REEP3: variants seen among roughly 807,000 people sequenced by gnomAD.
REEP3 encodes the protein receptor expression-enhancing protein 3.
Under a neutral mutation model 41.3 loss-of-function variants are expected in REEP3, and 20 were observed. The observed-to-expected ratio is 0.48, with a 90% CI of 0.34 to 0.70. The LOEUF is 0.70. REEP3 is among the 30% of genes least tolerant of loss of function. The pLI is 0.01. For synonymous variants in REEP3, 104 were observed against 101.8 expected (o/e 1.02, Z -0.13); for missense variants, 271 against 308.8 (o/e 0.88, Z 0.92).
chr10:63,581,398 TA>T lies in REEP3; in HGVS notation c.106-13373del, dbSNP rs200451593. ...ATGATAAAGTTTTTTTGAAAAACTA[TA>T]AAAAAATTAAAATGCATTGAAATGT... On this transcript the variant is annotated intron_variant, in intron 2 of 7. Coordinates refer to ENST00000373758, the MANE Select transcript of REEP3 (RefSeq NM_001001330.3). 3.1e-3 allele frequency among the ~76,000 whole-genome samples: 479 copies of T among 152,284 alleles called. 3 individuals are homozygous for T. The highest frequency in any genetic ancestry group is 0.011 in the African/African-American group (449 of 41,568).
At chr10:63,538,825 G>T (rs776713708) in intron 1 of REEP3, among the ~76,000 whole-genome samples, 81 of 152,204 alleles carry the variant, frequency 5.3e-4, no homozygotes, top group Non-Finnish European at 8.1e-4. Context: ...CAACATTGCT[G>T]TGGGGGTGAT....
At chr10:63,562,022 T>G (rs186742851) in intron 1 of REEP3, among the ~76,000 whole-genome samples, 2 of 152,282 alleles carry the variant, frequency 1.3e-5, no homozygotes. Flanking sequence ...GTCAGCGGTG[T>G]GGATGAACAC....
chr10:63,554,957 G>A (rs1955663848), intron 1 of REEP3, among the ~76,000 whole-genome samples: 1 of 152,162 alleles, frequency 6.6e-6, no homozygotes, highest in Non-Finnish European at 1.5e-5. Flanking sequence ...TGGGGAGAGA[G>A]TGAGGAGATG....
intron 2 of REEP3, among the ~76,000 whole-genome samples, chr10:63,570,217 A>G (rs1955840330): frequency 6.6e-6 from 1 of 152,218 alleles, no homozygotes; most frequent in South Asian, 2.1e-4. Context: ...CATTTTGGCT[A>G]AGATCAAGTG....
intron 1 of REEP3, among the ~76,000 whole-genome samples, chr10:63,559,048 G>A (rs1156436915): frequency 6.6e-6 from 1 of 151,970 alleles, no homozygotes; most frequent in Non-Finnish European, 1.5e-5. Flanking sequence ...TGAAATAAGG[G>A]GAATTTGGCT....
At position 63,521,574 on chromosome 10, in the gene REEP3, TG is replaced by T; in HGVS notation, c.31del (p.Val11CysfsTer17). 1 of 1,352,246 alleles carries T rather than the reference TG, an allele frequency of 7.4e-7. No individual in the cohort carries two copies. Among genetic ancestry groups the T allele is most frequent in the Non-Finnish European group, 9.7e-7 (1 of 1,033,144 alleles). The allele number at this position is 1,352,246 out of a possible 1,614,324, so 83.8% of individuals were successfully genotyped here. A position where few individuals can be genotyped will look rare whatever the true frequency, so the allele number is the denominator to read the frequency against. On this transcript the variant is annotated frameshift_variant and splice_region_variant, in exon 1 of 8. Coordinates refer to ENST00000373758, the MANE Select transcript of REEP3 (RefSeq NM_001001330.3). LOFTEE classifies it high-confidence loss of function. MVSWMISRA[V>X]VLVFGMLYPA... ...GTGTCCTGGATGATCTCCAGAGCCG[TG>T]GTGTAAGTGCCTCTCACTGCGCCCT...
intron 1 of REEP3, among the ~76,000 whole-genome samples, chr10:63,523,160 G>C (rs1955309441): frequency 6.6e-6 from 1 of 152,126 alleles, no homozygotes; most frequent in Admixed American, 6.5e-5. Context: ...ATAACACAAA[G>C]GTCAGTAACA....
At chr10:63,584,961 A>G (rs1251406433) in intron 2 of REEP3, among the ~76,000 whole-genome samples, 8 of 152,192 alleles carry the variant, frequency 5.3e-5, no homozygotes, top group African/African-American at 1.9e-4. Context: ...TAAGTGAATC[A>G]TTAGGCATGT....
intron 2 of REEP3, among the ~76,000 whole-genome samples, chr10:63,578,741 C>T (rs1055369708): frequency 1.3e-5 from 2 of 152,154 alleles, no homozygotes; most frequent in African/African-American, 4.8e-5. Context: ...CATGCCACTG[C>T]ACTCCACCAT....
intron 1 of REEP3, among the ~76,000 whole-genome samples, chr10:63,522,431 G>A: frequency 6.6e-6 from 1 of 152,028 alleles, no homozygotes; most frequent in East Asian, 1.9e-4. Flanking sequence ...TTTGAATACA[G>A]TTTAAACTGA....
At chr10:63,551,023 A>G (rs530946183) in intron 1 of REEP3, among the ~76,000 whole-genome samples, 2 of 152,370 alleles carry the variant, frequency 1.3e-5, no homozygotes, top group African/African-American at 2.4e-5. Flanking sequence ...AACTAACACT[A>G]GAATCAACAA....
chr10:63,583,200 C>G (rs1040056148), intron 2 of REEP3, among the ~76,000 whole-genome samples: 4 of 152,058 alleles, frequency 2.6e-5, no homozygotes, highest in African/African-American at 9.7e-5. Context: ...ACTGTGTTAG[C>G]CAGGATGGTG....
At chr10:63,527,770 C>T (rs890731356) in intron 1 of REEP3, among the ~76,000 whole-genome samples, 5 of 152,128 alleles carry the variant, frequency 3.3e-5, no homozygotes, top group South Asian at 2.1e-4. Flanking sequence ...GGAACCCATA[C>T]GTTTGTTTAG....
At chr10:63,538,235 T>G (rs1343281669) in intron 1 of REEP3, among the ~76,000 whole-genome samples, 1 of 152,178 alleles carries the variant, frequency 6.6e-6, no homozygotes. Flanking sequence ...TCACATTGCT[T>G]GAAACTCCCT....
At chr10:63,535,354 G>A (rs543962231) in intron 1 of REEP3, among the ~76,000 whole-genome samples, 1 of 152,110 alleles carries the variant, frequency 6.6e-6, no homozygotes, top group South Asian at 2.1e-4. Context: ...AAAGATAAAA[G>A]GATATCTGAA....
chr10:63,563,713 A>G (rs1037018477), intron 1 of REEP3, among the ~76,000 whole-genome samples: 2 of 151,842 alleles, frequency 1.3e-5, no homozygotes, highest in African/African-American at 2.4e-5. Context: ...TAAAAAGTGG[A>G]CAAAAAAGAG....
intron 4 of REEP3, among the ~76,000 whole-genome samples, chr10:63,598,774 ACTCCATCTC>A: frequency 7.9e-6 from 1 of 125,882 alleles, no homozygotes. Flanking sequence ...AGAGAGCGAG[ACTCCATCTC>A]AAAAAAAAAA....
At chr10:63,574,025 C>T (rs1384353919) in intron 2 of REEP3, among the ~76,000 whole-genome samples, 1 of 152,042 alleles carries the variant, frequency 6.6e-6, no homozygotes, top group Admixed American at 6.6e-5. Context: ...AATTAGTTTT[C>T]CAAGGCTTAT....
chr10:63,562,110 T>A (rs1387789522), intron 1 of REEP3, among the ~76,000 whole-genome samples: 1 of 152,158 alleles, frequency 6.6e-6, no homozygotes, highest in Non-Finnish European at 1.5e-5. Context: ...GAAAAGCTCC[T>A]GTGCGGTGGA....
Sources: allele counts gnomAD v4.1 joint callset (sites outside exome capture counted in the v4.1 genomes callset), GRCh38; gene constraint gnomAD v4.1.1; transcripts MANE v1.5; gene names NCBI Gene and HGNC (gene_info 2026-07-23, HGNC 2026-07-21).